The following P3H2 variants were observed in gnomAD, a reference collection of about 807,000 sequenced individuals.
P3H2 encodes the protein leprecan-like 1.
In P3H2, 80 loss-of-function variants were observed where a neutral mutation model predicts 87.0. The observed-to-expected ratio is 0.92, with a 90% CI of 0.77 to 1.11. The LOEUF (loss-of-function observed/expected upper bound fraction) is 1.11, where lower values mean the gene tolerates loss of function less well. Ranked by LOEUF, P3H2 falls within the 50% of genes least tolerant of loss-of-function variation. P3H2 has a pLI of 0.00. For missense variants in P3H2, 1,001 were observed against 923.9 expected, an observed-to-expected ratio of 1.08 and a Z score of -1.08; for synonymous variants, 367 against 359.3, an observed-to-expected ratio of 1.02 and a Z score of -0.24.
At chr3:190,001,618 G>A (rs837771) in intron 1 of P3H2, among the ~76,000 whole-genome samples, 27,603 of 152,140 alleles carry the variant, frequency 0.18, 3,074 homozygotes, top group Non-Finnish European at 0.26. Flanking sequence ...AAGCCACAGC[G>A]CAAGTTCTAA....
rs78223745 is a variant in P3H2, at chr3:190,074,032, G to C, written c.480+46220C>G. ...AAGAAATACTCTCGTATCAGTAAAAGACAGGACACTTAAACTGTAAGTTAG... is the reference window on the plus strand; with the variant it reads ...AAGAAATACTCTCGTATCAGTAAAACACAGGACACTTAAACTGTAAGTTAG... On this transcript the variant is annotated intron_variant, in intron 1 of 14. Coordinates refer to ENST00000319332, the MANE Select transcript of P3H2 (RefSeq NM_018192.4). 6.4e-3 allele frequency among the ~76,000 whole-genome samples: 967 copies of C among 152,268 alleles called. 13 individuals carry two copies. The highest frequency in any genetic ancestry group is 0.022 in the African/African-American group (903 of 41,542).
rs377142297 is a variant in P3H2 at position 190,055,690 on chromosome 3, G to T, written c.481-60248C>A. Among the ~76,000 whole-genome samples, 516 of 152,232 alleles carry T rather than the reference G, an allele frequency of 3.4e-3. 4 individuals carry two copies. The highest frequency in any genetic ancestry group is 0.012 in the African/African-American group (491 of 41,558). ...GATTATTATGTGGGCCTTGAGGCAA[G>T]TACAAACAAAATAGATTCAGCGTTC... On this transcript the variant is annotated intron_variant, in intron 1 of 14. Coordinates refer to ENST00000319332, the MANE Select transcript of P3H2 (RefSeq NM_018192.4).
At chr3:190,091,302 T>C (rs1206722951) in intron 1 of P3H2, among the ~76,000 whole-genome samples, 2 of 152,228 alleles carry the variant, frequency 1.3e-5, no homozygotes, top group African/African-American at 4.8e-5. Flanking sequence ...TTCAGATTGA[T>C]GGAAGTGGTT....
chr3:190,038,193 G>T (rs1178284229), intron 1 of P3H2, among the ~76,000 whole-genome samples: 1 of 147,066 alleles, frequency 6.8e-6, no homozygotes, highest in Non-Finnish European at 1.5e-5. Context: ...CCGAGATTGC[G>T]CCACTGCACT....
rs1722880701 is a variant in P3H2 at position 189,963,615 on chromosome 3, T to G, written c.2034+343A>C. The stretch of plus-strand genomic sequence containing the variant: ...GCATGCCACCACATCCAGCTAATTT[T>G]GTATTTTTAGTAGAGATGGGGTTTC... On this transcript the variant is annotated intron_variant, in intron 14 of 14. Transcript: ENST00000319332. 4.2e-5 allele frequency: 11 copies of G among 262,940 alleles called. No individual in the cohort carries two copies. In the South Asian group the frequency reaches 4.8e-4, roughly 11 times the overall value. The allele number at this position is 262,940 out of a possible 1,614,324, so 16.3% of individuals were successfully genotyped here. A position where few individuals can be genotyped will look rare whatever the true frequency, so the allele number is the denominator to read the frequency against.
rs142210063 is a variant in P3H2, at chr3:190,074,237, C to T, written c.480+46015G>A. Among the ~76,000 whole-genome samples, 25 of 152,210 alleles carry T rather than the reference C, an allele frequency of 1.6e-4. No individual in the cohort carries two copies. In the East Asian group the frequency reaches 1.7e-3, roughly 11 times the overall value. On this transcript the variant is annotated intron_variant, in intron 1 of 14. Coordinates refer to ENST00000319332, the MANE Select transcript of P3H2 (RefSeq NM_018192.4). Reference sequence around the variant, plus strand: ...GAATACTATGATTCTTGGCCAGGTGCGGTGGCTCATGCCTGTAATCCCAGC... The same window carrying T: ...GAATACTATGATTCTTGGCCAGGTGTGGTGGCTCATGCCTGTAATCCCAGC...
chr3:190,022,146 A>G (rs1020560335), intron 1 of P3H2, among the ~76,000 whole-genome samples: 1 of 135,596 alleles, frequency 7.4e-6, no homozygotes. Flanking sequence ...AACAAATTTT[A>G]CCATTGATTT....
rs116824751 is a variant in P3H2 at position 189,966,800 on chromosome 3, C to G, written c.1894-2702G>C. Among the ~76,000 whole-genome samples the G allele has an allele frequency of 5.1e-3, 781 of 152,338 alleles. 4 individuals carry two copies. Among genetic ancestry groups the G allele is most frequent in the Middle Eastern group, 0.051 (15 of 294 alleles). Reference sequence around the variant, plus strand: ...CCGCTATTGAAAAGAATCCACATATCTTCCAAGTATACTAAGCATAATTTA... The same window carrying G: ...CCGCTATTGAAAAGAATCCACATATGTTCCAAGTATACTAAGCATAATTTA... On this transcript the variant is annotated intron_variant, in intron 13 of 14. Coordinates refer to ENST00000319332, the MANE Select transcript of P3H2 (RefSeq NM_018192.4).
chr3:189,974,213 C>G (rs1420031822), intron 9 of P3H2: 1 of 600,342 alleles, frequency 1.7e-6, no homozygotes, highest in African/African-American at 1.9e-5. Flanking sequence ...CAAATACTGT[C>G]ACTTTTTATG....
At chr3:190,051,341 G>T (rs1338981871) in intron 1 of P3H2, among the ~76,000 whole-genome samples, 1 of 127,970 alleles carries the variant, frequency 7.8e-6, no homozygotes, top group Non-Finnish European at 1.6e-5. Context: ...AGGAAAAAAT[G>T]ACATAGAATT....
In P3H2 at chr3:190,037,973, C is replaced by T. The variant is rs1236984026; in HGVS notation, c.481-42531G>A. Among the ~76,000 whole-genome samples the T allele has an allele frequency of 4.6e-5, 7 of 152,134 alleles. No homozygotes were observed. The East Asian group carries it at 9.6e-4, about 21-fold the overall frequency. On this transcript the variant is annotated intron_variant, in intron 1 of 14. Transcript: ENST00000319332. Reference sequence around the variant, plus strand: ...CTTCTCCACTGATCTCAAAGATCTCCAAGATCTAATGACAAGCTAATTCAC... The same window carrying T: ...CTTCTCCACTGATCTCAAAGATCTCTAAGATCTAATGACAAGCTAATTCAC...
intron 1 of P3H2, among the ~76,000 whole-genome samples, chr3:190,049,968 A>C (rs972147104): frequency 6.6e-6 from 1 of 152,236 alleles, no homozygotes; most frequent in Non-Finnish European, 1.5e-5. Flanking sequence ...CATTGTAAAT[A>C]TTCAAGAGGT....
intron 13 of P3H2, 87 bp downstream of exon 13, chr3:189,970,729 G>T: frequency 1.2e-6 from 1 of 804,374 alleles, no homozygotes; most frequent in East Asian, 2.4e-5. Context: ...AGAAGTATTT[G>T]AAATCTAACC....
At chr3:190,027,090 CACTT>C (rs1725106954) in intron 1 of P3H2, among the ~76,000 whole-genome samples, 1 of 152,180 alleles carries the variant, frequency 6.6e-6, no homozygotes, top group South Asian at 2.1e-4. Flanking sequence ...CTATCATTCT[CACTT>C]ACATATGACA....
chr3:190,062,465 A>G (rs1457726061), intron 1 of P3H2, among the ~76,000 whole-genome samples: 1 of 152,176 alleles, frequency 6.6e-6, no homozygotes, highest in Non-Finnish European at 1.5e-5. Flanking sequence ...TTTCACTCTT[A>G]AGAACTAGCT....
chr3:189,980,290 C>T (rs1052106951), intron 8 of P3H2, among the ~76,000 whole-genome samples: 1 of 152,150 alleles, frequency 6.6e-6, no homozygotes, highest in Non-Finnish European at 1.5e-5. Flanking sequence ...TGTTGCTGGG[C>T]GTGGTGGCTC....
In P3H2 at chr3:189,957,654, C is replaced by A; in HGVS notation, c.*258G>T. On this transcript the variant is annotated 3_prime_UTR_variant, in exon 15 of 15. Coordinates refer to ENST00000319332, the MANE Select transcript of P3H2 (RefSeq NM_018192.4). ...GTGCTATCATCACATCTGTGAATAG[C>A]CACTGCCCTATATCCTAGACAACAT... 1.9e-6 allele frequency: 1 copy of A among 520,930 alleles called. No individual in the cohort carries two copies. The allele number at this position is 520,930 out of a possible 1,614,324, so 32.3% of individuals were successfully genotyped here.
intron 1 of P3H2, among the ~76,000 whole-genome samples, chr3:190,108,654 TG>T (rs1303426290): frequency 1.8e-4 from 27 of 152,302 alleles, no homozygotes; most frequent in African/African-American, 6.3e-4. Context: ...TATACACATT[TG>T]TTTTTTTCAA....
At chr3:190,029,829 T>C (rs1625435) in intron 1 of P3H2, among the ~76,000 whole-genome samples, 121,849 of 151,838 alleles carry the variant, frequency 0.8, 48,964 homozygotes, top group East Asian at 0.86. Context: ...GATGAATCTC[T>C]GTCTCTACTA....
Sources: allele counts gnomAD v4.1 joint callset (sites outside exome capture counted in the v4.1 genomes callset), GRCh38; gene constraint gnomAD v4.1.1; transcripts MANE v1.5; gene names NCBI Gene and HGNC (gene_info 2026-07-23, HGNC 2026-07-21).